GOLPH3: variants seen among roughly 807,000 people sequenced by gnomAD.
GOLPH3 encodes the protein coat protein GPP34.
Under a neutral mutation model 28.5 loss-of-function variants are expected in GOLPH3, and 14 were observed. The observed-to-expected ratio is 0.49, with a 90% confidence interval of 0.32 to 0.77. The LOEUF (loss-of-function observed/expected upper bound fraction) is 0.77, where lower values mean the gene tolerates loss of function less well. Ranked by LOEUF, GOLPH3 falls within the 30% of genes least tolerant of loss-of-function variation. The pLI, the probability that GOLPH3 is intolerant of heterozygous loss-of-function variation, is 0.03. For missense variants in GOLPH3, 350 were observed against 393.7 expected (o/e 0.89, Z 0.94); for synonymous variants, 158 against 159.2 (o/e 0.99, Z 0.06).
chr5:32,156,403 T>C (rs1051330428), intron 1 of GOLPH3, among the ~76,000 whole-genome samples: 2 of 151,784 alleles, frequency 1.3e-5, no homozygotes, highest in African/African-American at 4.8e-5. Flanking sequence ...CTTGGGAGGC[T>C]GAGGCAAGAG....
Sources: allele counts gnomAD v4.1 joint callset (sites outside exome capture counted in the v4.1 genomes callset), GRCh38; gene constraint gnomAD v4.1.1; transcripts MANE v1.5; gene names NCBI Gene and HGNC (gene_info 2026-07-23, HGNC 2026-07-21).